The following CARMIL1 variants were observed in gnomAD, a reference collection of about 807,000 sequenced individuals.
The protein encoded by CARMIL1 is F-actin-uncapping protein LRRC16A.
In CARMIL1, 90 loss-of-function variants were observed where a neutral mutation model predicts 177.1. The observed-to-expected ratio is 0.51, with a 90% CI of 0.43 to 0.61. The LOEUF (loss-of-function observed/expected upper bound fraction) is 0.61, where lower values mean the gene tolerates loss of function less well. Ranked by LOEUF, CARMIL1 falls within the 20% of genes least tolerant of loss-of-function variation. CARMIL1 has a pLI of 0.00. For missense variants in CARMIL1, 1,380 were observed against 1,667.0 expected, an observed-to-expected ratio of 0.83 and a Z score of 3.00; for synonymous variants, 577 against 606.2, an observed-to-expected ratio of 0.95 and a Z score of 0.71.
intron 2 of CARMIL1, among the ~76,000 whole-genome samples, chr6:25,414,500 G>C (rs1256627695): frequency 1.3e-5 from 2 of 152,152 alleles, no homozygotes; most frequent in Non-Finnish European, 2.9e-5. Context: ...AACCATGTGT[G>C]TGTACTATAA....
chr6:25,603,528 G>C (rs1291317001), intron 33 of CARMIL1, among the ~76,000 whole-genome samples: 1 of 152,262 alleles, frequency 6.6e-6, no homozygotes, highest in South Asian at 2.1e-4. Flanking sequence ...TATCTCACCT[G>C]CATTTCAAAT....
At chr6:25,457,342 T>C (rs903855401) in intron 8 of CARMIL1, among the ~76,000 whole-genome samples, 1 of 152,134 alleles carries the variant, frequency 6.6e-6, no homozygotes, top group African/African-American at 2.4e-5. Flanking sequence ...TTCTTTGCTG[T>C]TGGGGATGAA....
intron 2 of CARMIL1, among the ~76,000 whole-genome samples, chr6:25,322,868 C>A (rs1330733189): frequency 6.6e-6 from 1 of 152,188 alleles, no homozygotes; most frequent in Non-Finnish European, 1.5e-5. Flanking sequence ...CATCTTTTAA[C>A]AGAGTGGCAT....
rs1554200785 is a variant in CARMIL1 at position 25,459,210 on chromosome 6, T to TTTTTTCTTTCTTTCTTTC, written c.615-6660_615-6659insTTCTTTCTTTCTTTCTTT. ...TGACATAGAAATAAGGATCCCAACT[T>TTTTTTCTTTCTTTCTTTC]TTTCTTTCTTTCTTTCTTTCTTTCT... On this transcript the variant is annotated intron_variant, in intron 8 of 36. Transcript: ENST00000329474. 6.2e-5 allele frequency among the ~76,000 whole-genome samples: 5 copies of TTTTTTCTTTCTTTCTTTC among 80,178 alleles called. No homozygotes were observed. The South Asian group carries it at 2.2e-3, about 35-fold the overall frequency. The allele number at this position is 80,178 out of a possible 152,430, so 52.6% of individuals were successfully genotyped here. A position where few individuals can be genotyped will look rare whatever the true frequency, so the allele number is the denominator to read the frequency against.
chr6:25,607,471 A>G (rs1816090228), intron 35 of CARMIL1, among the ~76,000 whole-genome samples: 1 of 152,202 alleles, frequency 6.6e-6, no homozygotes, highest in African/African-American at 2.4e-5. Context: ...CATTTTACGG[A>G]TGAGGAATAT....
intron 2 of CARMIL1, among the ~76,000 whole-genome samples, chr6:25,289,443 A>G (rs1781766033): frequency 6.6e-6 from 1 of 152,194 alleles, no homozygotes; most frequent in African/African-American, 2.4e-5. Flanking sequence ...ATATCAGATA[A>G]TTCAGAGAGG....
At chr6:25,507,356 G>A (rs2476824) in intron 17 of CARMIL1, 66,476 of 152,298 alleles carry the variant, frequency 0.44, 14,869 homozygotes, top group Middle Eastern at 0.52. Flanking sequence ...TTAGTTAGAA[G>A]TATTTTTTCT....
Position 25,600,393 on chromosome 6 carries a change from A to C in CARMIL1, c.3199A>C (p.Ser1067Arg). 1 of 1,614,022 alleles carries C rather than the reference A, an allele frequency of 6.2e-7. No homozygotes were observed. Among genetic ancestry groups the C allele is most frequent in the Non-Finnish European group, 8.5e-7 (1 of 1,179,894 alleles). Residue 1067 changes from serine (S) to arginine (R), a missense_variant, in exon 33 of 37, where the codon AGT (serine) becomes CGT (arginine). Physicochemically the swap from Ser to Arg is moderately radical, Grantham distance 110. Coordinates refer to ENST00000329474, the MANE Select transcript of CARMIL1 (RefSeq NM_017640.6). ...DEKKKRDSRK[S>R]SGFLNLIKSR... Reference sequence around the variant, plus strand: ...AAAGAAAAAGCGAGATTCTCGGAAAAGTAGTGGCTTTCTCAATTTAATCAA... The same window carrying C: ...AAAGAAAAAGCGAGATTCTCGGAAACGTAGTGGCTTTCTCAATTTAATCAA...
intron 2 of CARMIL1, among the ~76,000 whole-genome samples, chr6:25,316,309 A>C (rs550112156): frequency 6.6e-6 from 1 of 152,092 alleles, no homozygotes; most frequent in African/African-American, 2.4e-5. Context: ...TTGTCTAGAA[A>C]CACTGTCCTT....
intron 29 of CARMIL1, among the ~76,000 whole-genome samples, chr6:25,570,075 C>T (rs1028169936): frequency 4.6e-5 from 7 of 152,146 alleles, no homozygotes; most frequent in Non-Finnish European, 7.4e-5. Context: ...CGCCATTCTC[C>T]TGCCTCAGCC....
At chr6:25,402,701 C>T (rs182176594) in intron 2 of CARMIL1, among the ~76,000 whole-genome samples, 5 of 152,236 alleles carry the variant, frequency 3.3e-5, no homozygotes, top group East Asian at 1.9e-4. Flanking sequence ...AGTCACACTT[C>T]GAGTGCTTAG....
chr6:25,429,869 C>G (rs35154461), intron 4 of CARMIL1, among the ~76,000 whole-genome samples: 1 of 150,248 alleles, frequency 6.7e-6, no homozygotes, highest in Non-Finnish European at 1.5e-5. Context: ...ATTTTTGAGA[C>G]GGAGTCTCAC....
At chr6:25,334,163 G>A (rs1290975221) in intron 2 of CARMIL1, among the ~76,000 whole-genome samples, 2 of 152,160 alleles carry the variant, frequency 1.3e-5, no homozygotes, top group Admixed American at 1.3e-4. Flanking sequence ...TTAGGTAGCC[G>A]CTATGAGCTG....
intron 1 of CARMIL1, among the ~76,000 whole-genome samples, chr6:25,282,555 AT>A (rs1242588443): frequency 6.6e-6 from 1 of 152,084 alleles, no homozygotes; most frequent in Non-Finnish European, 1.5e-5. Context: ...TCATGGCGGT[AT>A]TTCCAAGAAG....
At chr6:25,508,123 A>T (rs1805104685) in intron 17 of CARMIL1, among the ~76,000 whole-genome samples, 1 of 152,140 alleles carries the variant, frequency 6.6e-6, no homozygotes, top group South Asian at 2.1e-4. Flanking sequence ...TTCATCTCAA[A>T]TTTTGAGTAG....
chr6:25,530,836 T>C (rs1361474994), intron 24 of CARMIL1, among the ~76,000 whole-genome samples: 4 of 152,194 alleles, frequency 2.6e-5, no homozygotes, highest in Non-Finnish European at 5.9e-5. Context: ...AAATCTACTT[T>C]AAGCTGCAGG....
chr6:25,480,047 A>G (rs1801941255), intron 11 of CARMIL1, among the ~76,000 whole-genome samples: 1 of 152,152 alleles, frequency 6.6e-6, no homozygotes, highest in Non-Finnish European at 1.5e-5. Context: ...AGTACTAAGG[A>G]ACATTCTGTT....
intron 2 of CARMIL1, among the ~76,000 whole-genome samples, chr6:25,409,377 G>C (rs1054186257): frequency 3.3e-5 from 5 of 152,098 alleles, no homozygotes; most frequent in Non-Finnish European, 7.4e-5. Flanking sequence ...TTTTATATTA[G>C]TATCTACTGT....
chr6:25,490,754 A>AAAT (rs1582131520), intron 13 of CARMIL1, among the ~76,000 whole-genome samples: 98 of 29,554 alleles, frequency 3.3e-3, no homozygotes, highest in Middle Eastern at 0.025. Context: ...AATAAATAAA[A>AAAT]AAAAATAAAT....
Sources: allele counts gnomAD v4.1 joint callset (sites outside exome capture counted in the v4.1 genomes callset), GRCh38; gene constraint gnomAD v4.1.1; transcripts MANE v1.5; gene names NCBI Gene and HGNC (gene_info 2026-07-23, HGNC 2026-07-21).